Variants in SNX29 observed in about 807,000 individuals in gnomAD.
The protein encoded by SNX29 is sorting nexin 29, also known as sorting nexin-29.
Under a neutral mutation model 102.1 loss-of-function variants are expected in SNX29, and 78 were observed. The observed-to-expected ratio is 0.76, with a 90% CI of 0.64 to 0.92. SNX29 has a LOEUF of 0.92. Among genes scored for constraint, SNX29 ranks in the 40% least tolerant of loss-of-function variants. SNX29 has a pLI of 0.00. For missense variants in SNX29, 1,280 were observed against 1,061.7 expected, an observed-to-expected ratio of 1.21 and a Z score of -2.86; for synonymous variants, 580 against 414.5, an observed-to-expected ratio of 1.40 and a Z score of -4.85.
chr16:12,518,606 A>G (rs966450208), intron 19 of SNX29, among the ~76,000 whole-genome samples: 4 of 151,980 alleles, frequency 2.6e-5, no homozygotes, highest in African/African-American at 4.8e-5. Context: ...TTCCCTGAGC[A>G]CCTGTGGGTT....
intron 15 of SNX29, among the ~76,000 whole-genome samples, chr16:12,350,677 A>G (rs554257592): frequency 6.6e-6 from 1 of 152,220 alleles, no homozygotes; most frequent in Non-Finnish European, 1.5e-5. Context: ...ACTGTTTCCT[A>G]CAAGTAGGGA....
At chr16:12,115,522 T>TGTGTGTGTGG (rs1337034805) in intron 11 of SNX29, among the ~76,000 whole-genome samples, 2 of 149,846 alleles carry the variant, frequency 1.3e-5, no homozygotes, top group East Asian at 2.0e-4. Context: ...TGTGTGTGTG[T>TGTGTGTGTGG]GGTGCTGGGT....
At chr16:11,983,312 A>T (rs2055470064) in intron 1 of SNX29, among the ~76,000 whole-genome samples, 2 of 148,178 alleles carry the variant, frequency 1.3e-5, no homozygotes, top group African/African-American at 5.0e-5. Flanking sequence ...CCTGGCCTTA[A>T]GCCATCCTGT....
chr16:12,378,041 A>C (rs2082940659), intron 16 of SNX29, among the ~76,000 whole-genome samples: 1 of 152,236 alleles, frequency 6.6e-6, no homozygotes, highest in Admixed American at 6.5e-5. Flanking sequence ...AAGCCAGTAC[A>C]AACTGGCCTC....
chr16:12,414,303 G>A (rs979012890), intron 18 of SNX29, among the ~76,000 whole-genome samples: 1 of 152,188 alleles, frequency 6.6e-6, no homozygotes, highest in Non-Finnish European at 1.5e-5. Context: ...GAGCCCAGGA[G>A]ATCGAGGCTG....
intron 15 of SNX29, among the ~76,000 whole-genome samples, chr16:12,320,007 G>A (rs1022596287): frequency 1.3e-5 from 2 of 152,178 alleles, no homozygotes; most frequent in Non-Finnish European, 2.9e-5. Flanking sequence ...CTGGCTGGAC[G>A]TGGCTGCATC....
intron 18 of SNX29, among the ~76,000 whole-genome samples, chr16:12,468,649 G>C (rs2087189227): frequency 6.6e-6 from 1 of 152,028 alleles, no homozygotes; most frequent in Non-Finnish European, 1.5e-5. Context: ...CTGAGCCCTG[G>C]GAGGCTGGGA....
intron 20 of SNX29, among the ~76,000 whole-genome samples, chr16:12,565,463 C>T (rs1391670833): frequency 6.6e-6 from 1 of 152,178 alleles, no homozygotes; most frequent in Non-Finnish European, 1.5e-5. Context: ...ATCCTGGGTT[C>T]TCTCAAACCA....
At chr16:12,476,432 A>ATATATATACATATATATATG (rs2087653223) in intron 18 of SNX29, among the ~76,000 whole-genome samples, 1 of 98,118 alleles carries the variant, frequency 1.0e-5, no homozygotes, top group African/African-American at 3.8e-5. Context: ...ATATATATAT[A>ATATATATACATATATATATG]TATATATATA....
chr16:12,501,199 C>T (rs149871794), intron 19 of SNX29, among the ~76,000 whole-genome samples: 4 of 152,202 alleles, frequency 2.6e-5, no homozygotes, highest in East Asian at 1.9e-4. Context: ...ATTTCAAAAC[C>T]AGCCTGGGCA....
At chr16:12,477,653 T>G (rs2087717747) in intron 18 of SNX29, 66 bp from the exon 19 acceptor site, 3 of 1,580,868 alleles carry the variant, frequency 1.9e-6, no homozygotes, top group Non-Finnish European at 2.6e-6. Context: ...GGGGAAAGCA[T>G]AGCCGAAATC....
intron 20 of SNX29, among the ~76,000 whole-genome samples, chr16:12,555,791 A>G (rs1177789208): frequency 6.6e-6 from 1 of 150,728 alleles, no homozygotes; most frequent in African/African-American, 2.5e-5. Flanking sequence ...CCAGGCAGGC[A>G]CACTCCTGCC....
intron 14 of SNX29, among the ~76,000 whole-genome samples, chr16:12,265,446 G>A (rs2078898591): frequency 6.6e-6 from 1 of 152,114 alleles, no homozygotes; most frequent in Non-Finnish European, 1.5e-5. Flanking sequence ...GAAGCGAGAC[G>A]CAGCTTCGAA....
intron 15 of SNX29, among the ~76,000 whole-genome samples, chr16:12,336,757 C>T (rs1398766946): frequency 6.6e-6 from 1 of 152,084 alleles, no homozygotes; most frequent in East Asian, 1.9e-4. Flanking sequence ...CCATACTGGC[C>T]AACATGGTGA....
chr16:12,078,028 T>C (rs1056477206), intron 10 of SNX29, among the ~76,000 whole-genome samples: 18 of 152,174 alleles, frequency 1.2e-4, no homozygotes, highest in African/African-American at 4.1e-4. Context: ...AACATTGAAT[T>C]CACAGCCAGC....
intron 14 of SNX29, among the ~76,000 whole-genome samples, chr16:12,260,167 C>CT (rs2078692457): frequency 6.6e-6 from 1 of 152,142 alleles, no homozygotes; most frequent in Non-Finnish European, 1.5e-5. Context: ...TTAAACCTAT[C>CT]TTTTTTATCC....
intron 20 of SNX29, 113 bp from the exon 21 acceptor site, chr16:12,568,393 G>A (rs547764267): frequency 1.5e-5 from 21 of 1,411,838 alleles, no homozygotes; most frequent in South Asian, 3.9e-5. Context: ...CAATGAGCCA[G>A]TCACAGTTGC....
rs2053658092 is a variant in SNX29 at position 12,115,485 on chromosome 16, T to TGTG, written c.1403-11148_1403-11147insGTG. ...TGCCCCTGGGTTGCTCCACCTTGAT[T>TGTG]TGTGTGTGTGTGTGTGTGTGTGTGT... On this transcript the variant is annotated intron_variant, in intron 11 of 20. Coordinates refer to ENST00000566228, the MANE Select transcript of SNX29 (RefSeq NM_032167.5). Among the ~76,000 whole-genome samples the TGTG allele has an allele frequency of 9.2e-5, 13 of 141,966 alleles. No individual in the cohort carries two copies. In the South Asian group the frequency reaches 1.4e-3, roughly 15 times the overall value. The allele number at this position is 141,966 out of a possible 152,430, so 93.1% of individuals were successfully genotyped here.
intron 19 of SNX29, among the ~76,000 whole-genome samples, chr16:12,503,842 T>G (rs756767827): frequency 1.3e-5 from 2 of 152,214 alleles, no homozygotes; most frequent in Non-Finnish European, 2.9e-5. Context: ...TAAGATTAGA[T>G]TCCATTGTTC....
Sources: gnomAD v4.1 joint callset for allele counts (sites outside exome capture counted in the v4.1 genomes callset) on GRCh38, gnomAD v4.1.1 for gene constraint, MANE v1.5 for transcripts, NCBI Gene and HGNC (gene_info 2026-07-23, HGNC 2026-07-21) for gene names.